GAREM1: variants seen among roughly 807,000 people sequenced by gnomAD.
GAREM1 encodes GRB2 associated regulator of MAPK1 subtype 1, also known as GRB2-associated and regulator of MAPK protein 1.
Under a neutral mutation model 71.3 loss-of-function variants are expected in GAREM1, and 26 were observed. The observed-to-expected ratio is 0.36, with a 90% CI of 0.27 to 0.51. The LOEUF (loss-of-function observed/expected upper bound fraction) is 0.51, where lower values mean the gene tolerates loss of function less well. Among genes scored for constraint, GAREM1 ranks in the 20% least tolerant of loss-of-function variants. The pLI, the probability that GAREM1 is intolerant of heterozygous loss-of-function variation, is 0.95. For synonymous variants in GAREM1, 440 were observed against 433.2 expected (o/e 1.02, Z -0.20); for missense variants, 1,026 against 1,103.1 (o/e 0.93, Z 0.99).
chr18:32,278,160 G>C (rs911708028), intron 4 of GAREM1, among the ~76,000 whole-genome samples: 3 of 152,158 alleles, frequency 2.0e-5, no homozygotes, highest in African/African-American at 7.2e-5. Flanking sequence ...CTAAGGCATG[G>C]TCTTAGCAGT....
chr18:32,347,984 A>T (rs2047712447), intron 2 of GAREM1, among the ~76,000 whole-genome samples: 1 of 152,216 alleles, frequency 6.6e-6, no homozygotes, highest in Non-Finnish European at 1.5e-5. Flanking sequence ...TTTGAAAACT[A>T]CTTTTGGAAT....
chr18:32,287,051 C>G lies in GAREM1; in HGVS notation c.1546G>C (p.Val516Leu). Residue 516 changes from valine (V) to leucine (L), a missense_variant, in exon 4 of 6, where the codon GTG becomes CTG. Around this residue, in one of 3 missense-constraint regions of GAREM1, gnomAD observed 636 missense variants for 631.2 expected, o/e 1.01. Coordinates refer to ENST00000269209, the MANE Select transcript of GAREM1 (RefSeq NM_001242409.2). This position sits in a 1 kb window ranked among gnomAD's most constrained non-coding sequence, Gnocchi z 5.9. ...SSDTALPPPP[V>L]PPKSEAVREE... is the part of the protein sequence containing the mutation. ...CTTACGGCTTCAGATTTGGGAGGCA[C>G]TGGAGGTGGAGGTAGGGCAGTATCT... 2.5e-6 allele frequency: 4 copies of G among 1,613,494 alleles called. No homozygotes were observed. The highest frequency in any genetic ancestry group is 3.4e-6 in the Non-Finnish European group (4 of 1,179,528).
chr18:32,272,726 C>A (rs983725916), intron 4 of GAREM1, among the ~76,000 whole-genome samples: 1 of 152,076 alleles, frequency 6.6e-6, no homozygotes, highest in Non-Finnish European at 1.5e-5. Flanking sequence ...CAGGTTCCAG[C>A]GATTCTGCTG....
intron 1 of GAREM1, among the ~76,000 whole-genome samples, chr18:32,405,736 C>T (rs959087411): frequency 6.6e-6 from 1 of 152,184 alleles, no homozygotes; most frequent in Non-Finnish European, 1.5e-5. Flanking sequence ...GCTCTTTTCT[C>T]GACCAATGGC....
intron 1 of GAREM1, among the ~76,000 whole-genome samples, chr18:32,396,714 C>T (rs1045808931): frequency 6.6e-6 from 1 of 152,150 alleles, no homozygotes; most frequent in African/African-American, 2.4e-5. Flanking sequence ...AGAATGGAAC[C>T]AAGGTGGAAA....
At chr18:32,459,582 G>C (rs541537025) in intron 1 of GAREM1, among the ~76,000 whole-genome samples, 101 of 152,186 alleles carry the variant, frequency 6.6e-4, no homozygotes, top group African/African-American at 2.3e-3. Context: ...CTCACGCTCT[G>C]TCTCTCTCTC....
At chr18:32,288,934 G>A (rs2047053239) in intron 3 of GAREM1, among the ~76,000 whole-genome samples, 1 of 152,058 alleles carries the variant, frequency 6.6e-6, no homozygotes, top group Non-Finnish European at 1.5e-5. Flanking sequence ...GTTCCTTACT[G>A]TAAAATAAAA....
intron 2 of GAREM1, among the ~76,000 whole-genome samples, chr18:32,381,132 A>G (rs1232610854): frequency 1.3e-5 from 2 of 152,066 alleles, no homozygotes; most frequent in African/African-American, 4.8e-5. Context: ...TTTCTCCATC[A>G]CATAATCTTT....
chr18:32,266,625 G>A lies in GAREM1; in HGVS notation c.*1246C>T, dbSNP rs73956846. 1.3e-5 allele frequency: 2 copies of A among 152,276 alleles called. No individual in the cohort carries two copies. Among genetic ancestry groups the A allele is most frequent in the African/African-American group, 4.8e-5 (2 of 41,554 alleles). 9.4% of individuals were successfully genotyped at this position (152,276 alleles called of 1,614,324 possible). ...AATAATGTATTTTCTTTGAAAGAGA[G>A]GGAAGAAGTGGTTTATGAAATAAAC... is the stretch of plus-strand genomic sequence containing the variant. On this transcript the variant is annotated 3_prime_UTR_variant, in exon 6 of 6. Transcript: ENST00000269209.
At chr18:32,275,816 T>C (rs1162816446) in intron 4 of GAREM1, among the ~76,000 whole-genome samples, 1 of 152,126 alleles carries the variant, frequency 6.6e-6, no homozygotes, top group Non-Finnish European at 1.5e-5. Flanking sequence ...GTAGCTGGGA[T>C]TACAAGCATG....
chr18:32,464,080 C>A (rs1192784823), intron 1 of GAREM1, among the ~76,000 whole-genome samples: 1 of 149,966 alleles, frequency 6.7e-6, no homozygotes, highest in East Asian at 2.0e-4. Flanking sequence ...CATTTGAGGT[C>A]AGGAGTTCAA....
At chr18:32,302,902 T>A (rs865991044) in intron 3 of GAREM1, among the ~76,000 whole-genome samples, 1 of 152,228 alleles carries the variant, frequency 6.6e-6, no homozygotes, top group African/African-American at 2.4e-5. Context: ...GTGGCTCTGC[T>A]GCTAGGCACT....
rs114444696 is a variant in GAREM1 at position 32,443,949 on chromosome 18, G to A, written c.121+26359C>T. ...TTATTCAGCCATGAAAAGAAATGAAGTGTGGAAACATCCTACGACATGATG... is the reference window on the plus strand; with the variant it reads ...TTATTCAGCCATGAAAAGAAATGAAATGTGGAAACATCCTACGACATGATG... On this transcript the variant is annotated intron_variant, in intron 1 of 5. Transcript: ENST00000269209. Among the ~76,000 whole-genome samples, 935 of 152,244 alleles carry A rather than the reference G, an allele frequency of 6.1e-3. 12 individuals are homozygous for A. Among genetic ancestry groups the A allele is most frequent in the African/African-American group, 0.021 (872 of 41,554 alleles).
At chr18:32,311,432 C>CT (rs2144520536) in intron 2 of GAREM1, among the ~76,000 whole-genome samples, 1 of 152,330 alleles carries the variant, frequency 6.6e-6, no homozygotes, top group Non-Finnish European at 1.5e-5. Flanking sequence ...ACACAAATCT[C>CT]TGTTCTTCCA....
At chr18:32,364,024 A>T (rs1247619616) in intron 2 of GAREM1, among the ~76,000 whole-genome samples, 1,987 of 52,002 alleles carry the variant, frequency 0.038, 79 homozygotes, top group African/African-American at 0.11. Context: ...ATATATATAT[A>T]TATGTTTTTT....
intron 1 of GAREM1, among the ~76,000 whole-genome samples, chr18:32,454,590 C>A (rs1227851551): frequency 6.6e-6 from 1 of 152,120 alleles, no homozygotes; most frequent in Non-Finnish European, 1.5e-5. Context: ...CTAATATATG[C>A]AAATATAATT....
In GAREM1 at chr18:32,369,596, T is replaced by G. The variant is rs150803138; in HGVS notation, c.262+23299A>C. 1.2e-3 allele frequency among the ~76,000 whole-genome samples: 190 copies of G among 152,246 alleles called. 1 individual carries two copies. The highest frequency in any genetic ancestry group is 4.4e-3 in the African/African-American group (182 of 41,534). Reference sequence around the variant, plus strand: ...ATCTTTTAAAATAAAAGAATGACAATTTTATGGTTGCTAATAACAATACTT... The same window carrying G: ...ATCTTTTAAAATAAAAGAATGACAAGTTTATGGTTGCTAATAACAATACTT... On this transcript the variant is annotated intron_variant, in intron 2 of 5. Transcript: ENST00000269209.
intron 2 of GAREM1, among the ~76,000 whole-genome samples, chr18:32,330,029 T>C (rs1437618680): frequency 2.0e-5 from 3 of 152,080 alleles, no homozygotes; most frequent in African/African-American, 7.2e-5. Flanking sequence ...AGAAAATAAA[T>C]TGTTCTACCA....
Position 32,263,978 on chromosome 18 carries a change from T to C in GAREM1, c.*3893A>G, listed in dbSNP as rs1444310718. 1 of 152,212 alleles carries C rather than the reference T, an allele frequency of 6.6e-6. No homozygotes were observed. Among genetic ancestry groups the C allele is most frequent in the African/African-American group, 2.4e-5 (1 of 41,462 alleles). 9.4% of individuals were successfully genotyped at this position (152,212 alleles called of 1,614,324 possible). A position where few individuals can be genotyped will look rare whatever the true frequency, so the allele number is the denominator to read the frequency against. ...CAAAATTACAGAAGATATTTGTATA[T>C]AGTTTAAACTGAAATCACGTTTATT... On this transcript the variant is annotated 3_prime_UTR_variant, in exon 6 of 6. Transcript: ENST00000269209.
Sources: gnomAD v4.1 joint callset for allele counts (sites outside exome capture counted in the v4.1 genomes callset) on GRCh38, gnomAD v4.1.1 for gene constraint, gnomAD v4.1.1 regional missense constraint, Gnocchi (gnomAD v3.1) non-coding constraint, MANE v1.5 for transcripts, NCBI Gene and HGNC (gene_info 2026-07-23, HGNC 2026-07-21) for gene names.